Variants in HTATSF1 observed in about 807,000 individuals in gnomAD.
HTATSF1 encodes the protein HIV-1 Tat specific factor 1, also known as 17S U2 SnRNP complex component HTATSF1.
Under a neutral mutation model 46.1 loss-of-function variants are expected in HTATSF1, and 6 were observed. The ratio of observed to expected loss-of-function variants is 0.13; its 90% confidence interval spans 0.07 to 0.26. The LOEUF is 0.26. HTATSF1 is among the 10% of genes least tolerant of loss of function. The probability of loss-of-function intolerance (pLI) is 1.00; values close to 1 mark genes in which losing one functional copy is unlikely to be tolerated. For missense variants in HTATSF1, 452 were observed against 559.9 expected (o/e 0.81, Z 1.94); for synonymous variants, 226 against 211.5 (o/e 1.07, Z -0.60).
chrX:136,502,597 C>T (rs748517636), intron 4 of HTATSF1, among the ~76,000 whole-genome samples, 181 bp from the exon 5 acceptor site: 2 of 110,949 alleles, frequency 1.8e-5, no homozygotes, highest in African/African-American at 3.3e-5. Context: ...GTCTCAGATG[C>T]GGGTTTCCTG....
intron 7 of HTATSF1, 116 bp downstream of exon 7, chrX:136,509,296 C>T: frequency 4.1e-6 from 2 of 492,505 alleles, no homozygotes; most frequent in Non-Finnish European, 3.5e-6. Flanking sequence ...TATAGTAGTC[C>T]ACTATCTTGT....
chrX:136,506,862 A>G (rs1418715514), intron 6 of HTATSF1, among the ~76,000 whole-genome samples: 2 of 112,457 alleles, frequency 1.8e-5, no homozygotes, highest in African/African-American at 6.5e-5. Context: ...CTGTGCTGTC[A>G]GATATGGTAG....
At chrX:136,499,326 G>A (rs1334382395) in intron 1 of HTATSF1, among the ~76,000 whole-genome samples, 1 of 112,155 alleles carries the variant, frequency 8.9e-6, no homozygotes, top group African/African-American at 3.2e-5. Context: ...AACTAGAAAA[G>A]GTGCCAGCAT....
At chrX:136,509,223 C>T (rs758331815) in intron 7 of HTATSF1, 43 bp downstream of exon 7, 1 of 927,666 alleles carries the variant, frequency 1.1e-6, no homozygotes, top group East Asian at 3.1e-5. Flanking sequence ...AGCAATAATT[C>T]CTCCACCTTA....
intron 7 of HTATSF1, 70 bp downstream of exon 7, chrX:136,509,250 G>T (rs113034767): frequency 2.7e-6 from 2 of 727,424 alleles, no homozygotes; most frequent in African/African-American, 2.1e-5. Context: ...CTTCTCAGAT[G>T]TTAGTATACC....
chrX:136,502,138 C>G (rs778901187), intron 4 of HTATSF1, among the ~76,000 whole-genome samples: 1 of 111,154 alleles, frequency 9.0e-6, no homozygotes, highest in South Asian at 3.8e-4. Flanking sequence ...TCTCTAAGAC[C>G]TGGAATCCAT....
intron 5 of HTATSF1, among the ~76,000 whole-genome samples, chrX:136,503,455 AAT>A (rs1413379629): frequency 2.7e-5 from 3 of 112,370 alleles, no homozygotes; most frequent in African/African-American, 9.7e-5. Flanking sequence ...CAAAATGATA[AAT>A]ACTTTTATCA....
intron 4 of HTATSF1, among the ~76,000 whole-genome samples, chrX:136,502,528 G>T (rs2148520839): frequency 9.0e-6 from 1 of 111,000 alleles, no homozygotes; most frequent in East Asian, 2.8e-4. Flanking sequence ...CGACGATATT[G>T]GGGCTCAGGA....
rs915421126 is a variant in HTATSF1, at chrX:136,511,739, A to G, written c.1994A>G (p.Glu665Gly). The change falls in exon 9 of 9, where the codon GAA (glutamate) becomes GGA (glycine). Residue 665 changes from glutamate to glycine, a missense_variant. Transcript: ENST00000218364. ...GLEAADKKAE[E>G]GDADEKLFEE... is the part of the protein sequence containing the mutation. ...GAAGCTGCTGATAAAAAGGCGGAAG[A>G]AGGTGATGCAGATGAAAAGCTGTTT... The G allele has an allele frequency of 2.0e-5, 24 of 1,210,221 alleles. No homozygotes were observed. The highest frequency in any genetic ancestry group is 2.7e-5 in the Non-Finnish European group (24 of 895,253).
intron 4 of HTATSF1, 145 bp downstream of exon 4, chrX:136,500,963 G>A: frequency 2.9e-6 from 1 of 348,011 alleles, no homozygotes; most frequent in Non-Finnish European, 5.0e-6. Flanking sequence ...GTACCTGTGT[G>A]TATCACATTG....
rs2075760945 is a variant in HTATSF1 at position 136,510,208 on chromosome X, A to G, written c.1051A>G (p.Thr351Ala). The change falls in exon 8 of 9, where the codon ACA (threonine) becomes GCA (alanine). Residue 351 changes from threonine to alanine, a missense_variant. By Grantham distance (58) the Thr-to-Ala change is moderately conservative. Around this residue, in one of 3 missense-constraint regions of HTATSF1, gnomAD observed 117 missense variants for 222.2 expected, o/e 0.53. Transcript: ENST00000218364. The stretch of plus-strand genomic sequence containing the variant: ...CACTGCCCAGGCATGGGATGGGACT[A>G]CAGATTATCAGGTAAATTTTGCTGC... ...QITAQAWDGT[T>A]DYQVEETSRE... 1 of 1,209,168 alleles carries G rather than the reference A, an allele frequency of 8.3e-7. No individual in the cohort carries two copies. The highest frequency in any genetic ancestry group is 1.1e-6 in the Non-Finnish European group (1 of 894,003).
chrX:136,511,154 G>T lies in HTATSF1; in HGVS notation c.1409G>T (p.Gly470Val). ...TGCCCTGAAAAAGAATCTGAAGAGG[G>T]CTGCCCCAAAAGAGGGTTTGAAGGC... ...EGCPEKESEE[G>V]CPKRGFEGSC... The change falls in exon 9 of 9, where the codon GGC becomes GTC. Residue 470 changes from glycine (G) to valine (V), a missense_variant. Physicochemically the swap from Gly to Val is moderately radical, Grantham distance 109. Transcript: ENST00000218364. The T allele has an allele frequency of 8.3e-7, 1 of 1,207,636 alleles. No individual in the cohort carries two copies.
Position 136,512,262 on chromosome X carries a change from TG to T in HTATSF1, c.*250del. ...TCTTTTGTCAGATTTGTTAAATGCA[TG>T]CAGAATAATATTTTTAAGAGTATTG... is the stretch of plus-strand genomic sequence containing the variant. On this transcript the variant is annotated 3_prime_UTR_variant, in exon 9 of 9. Coordinates refer to ENST00000218364, the MANE Select transcript of HTATSF1 (RefSeq NM_014500.5). 3.7e-6 allele frequency: 1 copy of T among 273,712 alleles called. No homozygotes were observed. Among genetic ancestry groups the T allele is most frequent in the Non-Finnish European group, 6.4e-6 (1 of 155,111 alleles). 22.6% of individuals were successfully genotyped at this position (273,712 alleles called of 1,213,427 possible).
At chrX:136,510,005 T>TA (rs1378745822) in intron 7 of HTATSF1, 77 bp from the exon 8 acceptor site, 7 of 959,229 alleles carry the variant, frequency 7.3e-6, no homozygotes, top group East Asian at 6.4e-5. Flanking sequence ...CACTACTACT[T>TA]ACCTACTTTG....
At chrX:136,507,070 A>G (rs2075745337) in intron 6 of HTATSF1, among the ~76,000 whole-genome samples, 1 of 112,111 alleles carries the variant, frequency 8.9e-6, no homozygotes, top group Admixed American at 9.4e-5. Flanking sequence ...TCCAACAGGA[A>G]AACCTGCTTT....
At chrX:136,508,959 G>A in intron 6 of HTATSF1, 132 bp from the exon 7 acceptor site, 2 of 478,783 alleles carry the variant, frequency 4.2e-6, no homozygotes, top group Admixed American at 7.4e-5. Flanking sequence ...TTAAAAAATT[G>A]TATAGAATGA....
chrX:136,508,544 C>T (rs886154037), intron 6 of HTATSF1, among the ~76,000 whole-genome samples: 16 of 112,677 alleles, frequency 1.4e-4, no homozygotes, highest in African/African-American at 4.8e-4. Context: ...TTGTATGGTT[C>T]TGTTACAATG....
Position 136,510,789 on chromosome X carries a change from A to T in HTATSF1, c.1063-19A>T. On this transcript the variant is annotated intron_variant, in intron 8 of 8. Coordinates refer to ENST00000218364, the MANE Select transcript of HTATSF1 (RefSeq NM_014500.5). ...TTTGCCTGAAACTTATTTTAATGGC[A>T]GTCTCCATTTATCCACAGGTGGAGG... is the stretch of plus-strand genomic sequence containing the variant. 8.6e-7 allele frequency: 1 copy of T among 1,165,865 alleles called. No homozygotes were observed. Among genetic ancestry groups the T allele is most frequent in the Non-Finnish European group, 1.1e-6 (1 of 876,600 alleles).
intron 2 of HTATSF1, among the ~76,000 whole-genome samples, 186 bp downstream of exon 2, chrX:136,499,964 C>T (rs2075710549): frequency 9.0e-6 from 1 of 111,293 alleles, no homozygotes; most frequent in South Asian, 3.7e-4. Flanking sequence ...GGCTCTAAAA[C>T]TAATTATTTC....
Sources: gnomAD v4.1 joint callset for allele counts (sites outside exome capture counted in the v4.1 genomes callset) on GRCh38, gnomAD v4.1.1 for gene constraint, gnomAD v4.1.1 regional missense constraint, MANE v1.5 for transcripts, NCBI Gene and HGNC (gene_info 2026-07-23, HGNC 2026-07-21) for gene names.